Variants in PTPRN2 observed in about 807,000 individuals in gnomAD.
The protein encoded by PTPRN2 is protein tyrosine phosphatase receptor type N2.
In PTPRN2, 74 loss-of-function variants were observed where a neutral mutation model predicts 118.8. That is an observed-to-expected ratio of 0.62 (90% CI 0.52 to 0.76). The LOEUF is 0.76. PTPRN2 is among the 30% of genes least tolerant of loss of function. The pLI, the probability that PTPRN2 is intolerant of heterozygous loss-of-function variation, is 0.00. For synonymous variants in PTPRN2, 641 were observed against 608.0 expected, an observed-to-expected ratio of 1.05 and a Z score of -0.80; for missense variants, 1,481 against 1,394.4, an observed-to-expected ratio of 1.06 and a Z score of -0.99.
chr7:158,026,627 G>C (rs1328366541), intron 11 of PTPRN2, among the ~76,000 whole-genome samples: 2 of 152,134 alleles, frequency 1.3e-5, no homozygotes, highest in African/African-American at 2.4e-5. Context: ...CCTCTTCCAC[G>C]TGAGATGGTA....
At chr7:158,457,203 C>T (rs1316869504) in intron 2 of PTPRN2, among the ~76,000 whole-genome samples, 5 of 152,166 alleles carry the variant, frequency 3.3e-5, no homozygotes, top group African/African-American at 9.7e-5. Flanking sequence ...CTTCTGACCC[C>T]TTTCCTGATG....
At chr7:158,105,639 T>C (rs1484196629) in intron 10 of PTPRN2, among the ~76,000 whole-genome samples, 1 of 150,136 alleles carries the variant, frequency 6.7e-6, no homozygotes, top group Non-Finnish European at 1.5e-5. Flanking sequence ...TAGACTTCCA[T>C]CCAGATTCAT....
intron 2 of PTPRN2, among the ~76,000 whole-genome samples, chr7:158,455,215 C>T (rs1818382264): frequency 6.6e-6 from 1 of 152,158 alleles, no homozygotes. Context: ...ACGCCATCGG[C>T]CACGGCCACC....
chr7:158,004,165 T>G (rs1394289713), intron 11 of PTPRN2, among the ~76,000 whole-genome samples: 1 of 60,730 alleles, frequency 1.6e-5, no homozygotes. Flanking sequence ...ATGGGTTTTA[T>G]CACCAAAAAG....
chr7:158,216,725 G>T (rs1275180025), intron 3 of PTPRN2, among the ~76,000 whole-genome samples: 1 of 151,968 alleles, frequency 6.6e-6, no homozygotes, highest in Admixed American at 6.6e-5. Context: ...AGATAGAAAA[G>T]AACTCAACAA....
In PTPRN2 at chr7:157,627,663, GT is replaced by G. The variant is rs1411253410; in HGVS notation, c.2197-6155del. On this transcript the variant is annotated intron_variant, in intron 14 of 22. Transcript: ENST00000389418. The surrounding 1 kb of genome is among the most constrained non-coding windows in gnomAD (Gnocchi z 4.2). ...TAAGCTGTTTCTAGATAAGCCCTGAGTGAAAAGGTGTCTCCAACCTTCTCAA... is the reference window on the plus strand; with the variant it reads ...TAAGCTGTTTCTAGATAAGCCCTGAGGAAAAGGTGTCTCCAACCTTCTCAA... 1.3e-5 allele frequency among the ~76,000 whole-genome samples: 2 copies of G among 152,190 alleles called. No individual in the cohort carries two copies. Among genetic ancestry groups the G allele is most frequent in the East Asian group, 3.9e-4 (2 of 5,194 alleles).
At chr7:158,156,019 T>G (rs1233831054) in intron 6 of PTPRN2, among the ~76,000 whole-genome samples, 2 of 152,166 alleles carry the variant, frequency 1.3e-5, no homozygotes, top group Admixed American at 6.5e-5. Context: ...TGTTGTCTAT[T>G]TTCACTGGAA....
Position 157,599,865 on chromosome 7 carries a change from C to T in PTPRN2, c.2418+4137G>A, listed in dbSNP as rs574407885. Among the ~76,000 whole-genome samples, 4 of 151,310 alleles carry T rather than the reference C, an allele frequency of 2.6e-5. No homozygotes were observed. The South Asian group carries it at 8.4e-4, about 32-fold the overall frequency. On this transcript the variant is annotated intron_variant, in intron 16 of 22. Transcript: ENST00000389418. ...CCCACCTCTCCACCTGCCCACCTCTCCACCTGCCCACCTCTCCACCTGCCC... is the reference window on the plus strand; with the variant it reads ...CCCACCTCTCCACCTGCCCACCTCTTCACCTGCCCACCTCTCCACCTGCCC...
intron 3 of PTPRN2, among the ~76,000 whole-genome samples, chr7:158,236,203 G>T (rs1197280526): frequency 6.6e-6 from 1 of 152,150 alleles, no homozygotes; most frequent in African/African-American, 2.4e-5. Context: ...GTACGTTAGG[G>T]GATGGTGTGG....
chr7:158,396,400 C>CTGTG (rs371326690), intron 2 of PTPRN2, among the ~76,000 whole-genome samples: 2 of 152,042 alleles, frequency 1.3e-5, no homozygotes. Context: ...GAGGTGAAGT[C>CTGTG]TGTGTGTGTG....
Position 157,962,352 on chromosome 7 carries a change from C to T in PTPRN2, c.1724-63615G>A, listed in dbSNP as rs76801508. Reference sequence around the variant, plus strand: ...TTCCACCAGCGGGAGCGTTATTCCCCCAGCGGGAGCGTTATTCCCCTTCCC... The same window carrying T: ...TTCCACCAGCGGGAGCGTTATTCCCTCAGCGGGAGCGTTATTCCCCTTCCC... On this transcript the variant is annotated intron_variant, in intron 11 of 22. Coordinates refer to ENST00000389418, the MANE Select transcript of PTPRN2 (RefSeq NM_002847.5). Among the ~76,000 whole-genome samples, 2,428 of 152,074 alleles carry T rather than the reference C, an allele frequency of 0.016. 171 individuals are homozygous for T. The East Asian group carries it at 0.24, about 15-fold the overall frequency.
At position 157,977,486 on chromosome 7, in the gene PTPRN2, C is replaced by T. The variant is rs974465581; in HGVS notation, c.1724-78749G>A. 6.6e-6 allele frequency among the ~76,000 whole-genome samples: 1 copy of T among 151,848 alleles called. No homozygotes were observed. The highest frequency in any genetic ancestry group is 2.4e-5 in the African/African-American group (1 of 41,392). On this transcript the variant is annotated intron_variant, in intron 11 of 22. Coordinates refer to ENST00000389418, the MANE Select transcript of PTPRN2 (RefSeq NM_002847.5). This position sits in a 1 kb window ranked among gnomAD's most constrained non-coding sequence, Gnocchi z 4.6. The stretch of plus-strand genomic sequence containing the variant: ...CCACCTGGGCAAATGTGGGATTGTG[C>T]CTGGCAGGTGGAGGGCCCAGAGCGT...
chr7:157,975,067 T>A (rs2128821646), intron 11 of PTPRN2, among the ~76,000 whole-genome samples: 1 of 152,212 alleles, frequency 6.6e-6, no homozygotes, highest in East Asian at 1.9e-4. Context: ...GCCCGGACCC[T>A]GCCTCCATCA....
chr7:157,917,634 C>T (rs1290353031), intron 11 of PTPRN2, among the ~76,000 whole-genome samples: 2 of 95,686 alleles, frequency 2.1e-5, no homozygotes, highest in African/African-American at 4.6e-5. Flanking sequence ...CTGATATCAA[C>T]ATTTCAGTTT....
chr7:158,164,470 G>A (rs987276730), intron 6 of PTPRN2, among the ~76,000 whole-genome samples: 9 of 145,806 alleles, frequency 6.2e-5, no homozygotes, highest in Admixed American at 2.0e-4. Context: ...GCAGGAGCGC[G>A]CGCGTAGGAA....
At chr7:158,230,946 G>A in intron 3 of PTPRN2, among the ~76,000 whole-genome samples, 1 of 152,172 alleles carries the variant, frequency 6.6e-6, no homozygotes, top group East Asian at 1.9e-4. Flanking sequence ...TATCTATAAA[G>A]ATGGACATTG....
At chr7:158,128,621 C>T (rs1257676503) in intron 9 of PTPRN2, among the ~76,000 whole-genome samples, 4 of 152,200 alleles carry the variant, frequency 2.6e-5, no homozygotes, top group Non-Finnish European at 5.9e-5. Context: ...GACAGGGGCC[C>T]TCCTGTCCTT....
intron 9 of PTPRN2, among the ~76,000 whole-genome samples, chr7:158,125,695 C>T (rs1408657534): frequency 2.0e-5 from 3 of 152,190 alleles, no homozygotes; most frequent in Non-Finnish European, 2.9e-5. Context: ...TCAGGAGGGG[C>T]CTCTACAGAG....
At chr7:158,136,599 A>C in intron 8 of PTPRN2, 56 bp downstream of exon 8, 1 of 1,567,288 alleles carries the variant, frequency 6.4e-7, no homozygotes, top group Non-Finnish European at 8.8e-7. Flanking sequence ...CCATGAACAA[A>C]AAGATCACCA....
Sources: gnomAD v4.1 joint callset for allele counts (sites outside exome capture counted in the v4.1 genomes callset) on GRCh38, gnomAD v4.1.1 for gene constraint, Gnocchi (gnomAD v3.1) non-coding constraint, MANE v1.5 for transcripts, NCBI Gene and HGNC (gene_info 2026-07-23, HGNC 2026-07-21) for gene names.